The following ANO7 variants were observed in gnomAD, a reference collection of about 807,000 sequenced individuals.
The protein encoded by ANO7 is anoctamin 7.
In ANO7, 114 loss-of-function variants were observed where a neutral mutation model predicts 115.8. The observed-to-expected ratio is 0.98, with a 90% confidence interval of 0.85 to 1.15. The LOEUF is 1.15. ANO7 is among the 50% of genes most tolerant of loss of function. The pLI is 0.00. For synonymous variants in ANO7, 550 were observed against 498.2 expected, an observed-to-expected ratio of 1.10 and a Z score of -1.38; for missense variants, 1,302 against 1,201.2, an observed-to-expected ratio of 1.08 and a Z score of -1.24.
intron 21 of ANO7, 33 bp downstream of exon 21, chr2:241,218,414 G>T (rs2068922331): frequency 7.7e-7 from 1 of 1,294,462 alleles, no homozygotes; most frequent in Non-Finnish European, 9.8e-7. Context: ...GGGGCCGCGG[G>T]CGCACGAGGA....
At chr2:241,195,521 GA>G (rs1232211937) in intron 3 of ANO7, among the ~76,000 whole-genome samples, 181 bp from the exon 4 acceptor site, 2 of 152,224 alleles carry the variant, frequency 1.3e-5, no homozygotes, top group Admixed American at 1.3e-4. Flanking sequence ...CTGGAACCTG[GA>G]AGTGCTCCTG....
At chr2:241,207,808 C>T in intron 11 of ANO7, 138 bp downstream of exon 11, 3 of 744,836 alleles carry the variant, frequency 4.0e-6, no homozygotes, top group East Asian at 2.6e-5. Context: ...GCTCCATGAG[C>T]TCCTTAACCT....
At chr2:241,229,906 T>C, downstream of ANO7, 1 of 1,599,548 alleles carries the variant, frequency 6.3e-7, no homozygotes, top group South Asian at 1.1e-5. Flanking sequence ...GGCCTCTTCG[T>C]GTGCTGGGGG....
intron 3 of ANO7, among the ~76,000 whole-genome samples, chr2:241,191,690 G>A (rs1016561859): frequency 2.6e-5 from 4 of 152,038 alleles, no homozygotes; most frequent in East Asian, 1.9e-4. Context: ...AGCACCAGCC[G>A]GGCTCCCAGC....
chr2:241,236,658 G>A, the ANO7 span: 2 of 1,614,184 alleles, frequency 1.2e-6, no homozygotes, highest in Non-Finnish European at 1.7e-6. Flanking sequence ...TTTCCGGCCA[G>A]AGATGATGAT....
chr2:241,202,506 G>A lies in ANO7; in HGVS notation c.723+202G>A, dbSNP rs749079063. On this transcript the variant is annotated intron_variant, in intron 8 of 24. Transcript: ENST00000674324. ...TCCGGGGCCTCAGGTCCGGCTCTGCGGGGACTGCAGCCCACACTGCGGTGC... is the reference window on the plus strand; with the variant it reads ...TCCGGGGCCTCAGGTCCGGCTCTGCAGGGACTGCAGCCCACACTGCGGTGC... Among the ~76,000 whole-genome samples the A allele has an allele frequency of 3.1e-4, 47 of 152,206 alleles. 1 individual carries two copies. The highest frequency in any genetic ancestry group is 5.7e-4 in the Non-Finnish European group (39 of 68,024).
At chr2:241,234,082 T>A in the ANO7 span, 1 of 1,113,456 alleles carries the variant, frequency 9.0e-7, no homozygotes, top group Non-Finnish European at 1.3e-6. Flanking sequence ...TAACCCGTGG[T>A]CCGGAATGGT....
chr2:241,239,153 T>A, the ANO7 span, among the ~76,000 whole-genome samples: 1 of 152,084 alleles, frequency 6.6e-6, no homozygotes, highest in East Asian at 1.9e-4. The surrounding 1 kb of genome is among the most constrained non-coding windows in gnomAD (Gnocchi z 4.6). Context: ...GAGGGGACAC[T>A]CTCTAAAGAC....
In ANO7 at chr2:241,203,534, C is replaced by T. The variant is rs1448738613; in HGVS notation, c.889+36C>T. On this transcript the variant is annotated intron_variant, in intron 9 of 24. Transcript: ENST00000674324. The surrounding 1 kb of genome is among the most constrained non-coding windows in gnomAD (Gnocchi z 4.8). ...CCCGCTGCCCCCCAGACCACCTGGG[C>T]CCCCCCAGCTTGGTGTCAGGTTGTA... The T allele has an allele frequency of 2.2e-6, 3 of 1,374,800 alleles. No homozygotes were observed. Among genetic ancestry groups the T allele is most frequent in the Non-Finnish European group, 1.9e-6 (2 of 1,040,500 alleles). The allele number at this position is 1,374,800 out of a possible 1,614,324, so 85.2% of individuals were successfully genotyped here. A position where few individuals can be genotyped will look rare whatever the true frequency, so the allele number is the denominator to read the frequency against.
intron 21 of ANO7, among the ~76,000 whole-genome samples, chr2:241,222,171 T>C (rs575824762): frequency 6.6e-6 from 1 of 151,624 alleles, no homozygotes; most frequent in Admixed American, 6.6e-5. Flanking sequence ...GAGGCGGAGG[T>C]TGCAGTAAGC....
chr2:241,227,144 C>T (rs566825778), downstream of ANO7: 9 of 151,836 alleles, frequency 5.9e-5, no homozygotes, highest in African/African-American at 2.2e-4. Context: ...AGTGTGGCTC[C>T]CGAGGGGCCG....
chr2:241,197,034 T>C (rs996656435), intron 4 of ANO7, among the ~76,000 whole-genome samples: 2 of 152,236 alleles, frequency 1.3e-5, no homozygotes, highest in Non-Finnish European at 2.9e-5. Flanking sequence ...CACTTGATAC[T>C]GCAGACTTTT....
At chr2:241,190,025 C>T (rs759295773) in intron 1 of ANO7, 32 bp from the exon 2 acceptor site, 2 of 1,530,738 alleles carry the variant, frequency 1.3e-6, no homozygotes, top group South Asian at 1.2e-5. Flanking sequence ...CCCTCTCTGA[C>T]CCCCATCCCC....
rs543732457 is a variant in ANO7 at position 241,219,011 on chromosome 2, C to T, written c.2321+630C>T. Among the ~76,000 whole-genome samples, 3 of 152,338 alleles carry T rather than the reference C, an allele frequency of 2.0e-5. No individual in the cohort carries two copies. The East Asian group carries it at 5.8e-4, about 29-fold the overall frequency. On this transcript the variant is annotated intron_variant, in intron 21 of 24. Coordinates refer to ENST00000674324, the MANE Select transcript of ANO7 (RefSeq NM_001370694.2). ...TCATCTAGCTATTTATCTTCTGTTT[C>T]TTTCCAGCTTTTTGCTTTCTTCCTT...
chr2:241,210,719 GC>G, intron 15 of ANO7, 149 bp downstream of exon 15: 1 of 733,078 alleles, frequency 1.4e-6, no homozygotes. Context: ...TCACTCTGTT[GC>G]CCAAGCTGGA....
chr2:241,203,321 G>T lies in ANO7; in HGVS notation c.724-12G>T. 2.0e-6 allele frequency: 3 copies of T among 1,511,184 alleles called. No homozygotes were observed. The highest frequency in any genetic ancestry group is 1.3e-5 in the South Asian group (1 of 76,652). The allele number at this position is 1,511,184 out of a possible 1,614,324, so 93.6% of individuals were successfully genotyped here. ...TGGGGGAGCCTCCCACCCACAGGCC[G>T]CTCGCCCCCAGGGCCCCTTCAAGAC... On this transcript the variant is annotated splice_polypyrimidine_tract_variant and intron_variant, in intron 8 of 24. Transcript: ENST00000674324. The surrounding 1 kb of genome is among the most constrained non-coding windows in gnomAD (Gnocchi z 4.8).
chr2:241,224,062 G>A (rs1221273708), intron 24 of ANO7, 35 bp from the exon 25 acceptor site: 2 of 1,613,462 alleles, frequency 1.2e-6, no homozygotes, highest in East Asian at 2.2e-5. Context: ...CCTGGCCCTA[G>A]TCTGACTTGT....
At position 241,205,131 on chromosome 2, in the gene ANO7, G is replaced by C. The variant is rs997306582; in HGVS notation, c.980+176G>C. Among the ~76,000 whole-genome samples the C allele has an allele frequency of 1.1e-4, 16 of 152,096 alleles. 1 individual carries two copies. Among genetic ancestry groups the C allele is most frequent in the Admixed American group, 6.5e-5 (1 of 15,286 alleles). The stretch of plus-strand genomic sequence containing the variant: ...TGTCACAGAGGGCCTTGTGGACATG[G>C]CTGAAAGGCTGGCAGGTGGACAGGA... On this transcript the variant is annotated intron_variant, in intron 10 of 24. Transcript: ENST00000674324.
At chr2:241,226,523 C>T (rs2069176800), downstream of ANO7, among the ~76,000 whole-genome samples, 2 of 151,744 alleles carry the variant, frequency 1.3e-5, no homozygotes, top group Non-Finnish European at 2.9e-5. Flanking sequence ...CTCCCGGGTT[C>T]ACGCCATTCT....
Sources: gnomAD v4.1 joint callset for allele counts (sites outside exome capture counted in the v4.1 genomes callset) on GRCh38, gnomAD v4.1.1 for gene constraint, Gnocchi (gnomAD v3.1) non-coding constraint, MANE v1.5 for transcripts, NCBI Gene and HGNC (gene_info 2026-07-23, HGNC 2026-07-21) for gene names.